The following IFNLR1 variants were observed in gnomAD, a reference collection of about 807,000 sequenced individuals.
The protein encoded by IFNLR1 is CRF2-12.
Under a neutral mutation model 52.5 loss-of-function variants are expected in IFNLR1, and 28 were observed. That is an observed-to-expected ratio of 0.53 (90% CI 0.40 to 0.73). IFNLR1 has a LOEUF of 0.73. IFNLR1 is among the 30% of genes least tolerant of loss of function. IFNLR1 has a pLI of 0.00. For missense variants in IFNLR1, 623 were observed against 659.1 expected (o/e 0.95, Z 0.60); for synonymous variants, 276 against 274.9 (o/e 1.00, Z -0.04).
intron 1 of IFNLR1, among the ~76,000 whole-genome samples, chr1:24,181,830 G>C (rs1009401377): frequency 5.3e-5 from 8 of 152,140 alleles, no homozygotes; most frequent in Admixed American, 3.3e-4. Context: ...AGGGACGTCT[G>C]CCAGTATAAA....
In IFNLR1 at chr1:24,180,995, C is replaced by T. The variant is rs1476933105; in HGVS notation, c.59-141G>A. ...CAGGAGCCACTGACTGGCTGTACTG[C>T]AGCCCTTGTGCCATGAGAGAAGACC... On this transcript the variant is annotated intron_variant, in intron 1 of 6. Coordinates refer to ENST00000327535, the MANE Select transcript of IFNLR1 (RefSeq NM_170743.4). The T allele has an allele frequency of 3.6e-6, 3 of 840,330 alleles. No homozygotes were observed. The East Asian group carries it at 8.2e-5, about 23-fold the overall frequency. 52.1% of individuals were successfully genotyped at this position (840,330 alleles called of 1,614,324 possible).
chr1:24,187,064 C>A, intron 1 of IFNLR1, 127 bp downstream of exon 1: 1 of 513,008 alleles, frequency 1.9e-6, no homozygotes, highest in Non-Finnish European at 3.2e-6. Context: ...GTAGGCAGGG[C>A]CGATTCGCAC....
At chr1:24,159,334 G>T in intron 5 of IFNLR1, 140 bp downstream of exon 5, 1 of 1,237,380 alleles carries the variant, frequency 8.1e-7, no homozygotes, top group Non-Finnish European at 1.2e-6. Context: ...GGGGCATTAT[G>T]TAAGCTGCCC....
rs116392590 is a variant in IFNLR1, at chr1:24,167,348, T to C, written c.367+2069A>G. Reference sequence around the variant, plus strand: ...CTGGGGGACATTTTTGTGTCTGTGATTGCATGAGCCAATTCCCATAATAAA... The same window carrying C: ...CTGGGGGACATTTTTGTGTCTGTGACTGCATGAGCCAATTCCCATAATAAA... On this transcript the variant is annotated intron_variant, in intron 3 of 6. Transcript: ENST00000327535. Among the ~76,000 whole-genome samples, 364 of 152,308 alleles carry C rather than the reference T, an allele frequency of 2.4e-3. 4 individuals carry two copies. The highest frequency in any genetic ancestry group is 8.3e-3 in the African/African-American group (345 of 41,568).
chr1:24,161,367 G>A (rs1644441058), intron 4 of IFNLR1, 175 bp downstream of exon 4: 2 of 688,128 alleles, frequency 2.9e-6, no homozygotes, highest in South Asian at 1.9e-5. Flanking sequence ...CAGGCCTCCT[G>A]TAGGTCATCA....
At chr1:24,179,294 C>T (rs777935266) in intron 2 of IFNLR1, among the ~76,000 whole-genome samples, 3 of 152,124 alleles carry the variant, frequency 2.0e-5, no homozygotes, top group Non-Finnish European at 4.4e-5. Context: ...TTTATTCCAG[C>T]CATACTACGC....
At chr1:24,162,912 C>T (rs1446950071) in intron 3 of IFNLR1, among the ~76,000 whole-genome samples, 890 of 80,204 alleles carry the variant, frequency 0.011, 45 homozygotes, top group African/African-American at 0.027. Flanking sequence ...TCCTTCCTTC[C>T]TTCCTTTTCT....
chr1:24,162,916 CT>C lies in IFNLR1; in HGVS notation c.368-1233del, dbSNP rs1557644528. Among the ~76,000 whole-genome samples the C allele has an allele frequency of 4.6e-3, 344 of 74,812 alleles. 16 individuals carry two copies. Among genetic ancestry groups the C allele is most frequent in the African/African-American group, 0.018 (284 of 16,214 alleles). 49.1% of individuals were successfully genotyped at this position (74,812 alleles called of 152,430 possible). ...CCTTCCTTCCTTCCTTCCTTCCTTC[CT>C]TTTCTTTCTTTTCTTTCTTTCTCTT... On this transcript the variant is annotated intron_variant, in intron 3 of 6. Coordinates refer to ENST00000327535, the MANE Select transcript of IFNLR1 (RefSeq NM_170743.4).
chr1:24,187,197 C>T lies in IFNLR1; in HGVS notation c.52G>A (p.Ala18Thr), dbSNP rs1464684098. ...CGCGGCCCCGCGCCCTTACCTGGAG[C>T]GGCCTGCAGCAGGCACAGGAGCAGG... ...GPLLLCLLQA[A>T]PGRPRLAPPQ... is the part of the protein sequence containing the mutation. The change falls in exon 1 of 7, where the codon GCT becomes ACT. Residue 18 changes from alanine (A) to threonine (T), a missense_variant. Coordinates refer to ENST00000327535, the MANE Select transcript of IFNLR1 (RefSeq NM_170743.4). 2 of 1,342,210 alleles carry T rather than the reference C, an allele frequency of 1.5e-6. No homozygotes were observed. Among genetic ancestry groups the T allele is most frequent in the South Asian group, 3.6e-5 (2 of 55,310 alleles). The allele number at this position is 1,342,210 out of a possible 1,614,324, so 83.1% of individuals were successfully genotyped here.
chr1:24,157,211 G>A lies in IFNLR1; in HGVS notation c.1482C>T (p.Ser494=), dbSNP rs757692467. Reference sequence around the variant, plus strand: ...TCTCAGCCCCCCAGCTGCCCGCATCGCTGTCCTCAATTTCTGATTCCCTCG... The same window carrying A: ...TCTCAGCCCCCCAGCTGCCCGCATCACTGTCCTCAATTTCTGATTCCCTCG... ...EEARESEIED[S]DAGSWGAEST... The change falls in exon 7 of 7, where the codon AGC becomes AGT. Residue 494 remains serine (S), a synonymous_variant. Transcript: ENST00000327535. This position sits in a 1 kb window ranked among gnomAD's most constrained non-coding sequence, Gnocchi z 5.1. The A allele has an allele frequency of 3.8e-5, 62 of 1,614,018 alleles. No homozygotes were observed. Among genetic ancestry groups the A allele is most frequent in the South Asian group, 3.3e-4 (30 of 91,084 alleles).
At position 24,159,342 on chromosome 1, in the gene IFNLR1, C is replaced by T; in HGVS notation, c.670+132G>A. 4 of 1,234,342 alleles carry T rather than the reference C, an allele frequency of 3.2e-6. No individual in the cohort carries two copies. The South Asian group carries it at 4.2e-5, about 13-fold the overall frequency. 76.5% of individuals were successfully genotyped at this position (1,234,342 alleles called of 1,614,324 possible). ...AAGGTTTGGGGCATTATGTAAGCTG[C>T]CCAAAGACACACAATGAGTGTGGTT... On this transcript the variant is annotated intron_variant, in intron 5 of 6. Coordinates refer to ENST00000327535, the MANE Select transcript of IFNLR1 (RefSeq NM_170743.4).
chr1:24,187,213 C>G lies in IFNLR1; in HGVS notation c.36G>C (p.Leu12=). 1 of 1,319,172 alleles carries G rather than the reference C, an allele frequency of 7.6e-7. No individual in the cohort carries two copies. Among genetic ancestry groups the G allele is most frequent in the South Asian group, 2.0e-5 (1 of 50,274 alleles). 81.7% of individuals were successfully genotyped at this position (1,319,172 alleles called of 1,614,324 possible). Residue 12 remains leucine (L), a synonymous_variant, in exon 1 of 7, where the codon CTG becomes CTC. Transcript: ENST00000327535. The part of the protein sequence containing the change: ...AGPERWGPLL[L]CLLQAAPGRP... ...TACCTGGAGCGGCCTGCAGCAGGCACAGGAGCAGGGGGCCCCAGCGCTCGG... is the reference window on the plus strand; with the variant it reads ...TACCTGGAGCGGCCTGCAGCAGGCAGAGGAGCAGGGGGCCCCAGCGCTCGG...
Position 24,162,776 on chromosome 1 carries a change from CTTT to C in IFNLR1, c.368-1095_368-1093del, listed in dbSNP as rs144212647. 1.7e-3 allele frequency among the ~76,000 whole-genome samples: 72 copies of C among 42,650 alleles called. 2 individuals carry two copies. The highest frequency in any genetic ancestry group is 2.7e-3 in the South Asian group (3 of 1,118). 28.0% of individuals were successfully genotyped at this position (42,650 alleles called of 152,430 possible). A position where few individuals can be genotyped will look rare whatever the true frequency, so the allele number is the denominator to read the frequency against. ...TCTTTCTTTCTTTCTTTCTTTCTTT[CTTT>C]TTCTTTCTTTTTCTTTCTTTCTTTT... On this transcript the variant is annotated intron_variant, in intron 3 of 6. Coordinates refer to ENST00000327535, the MANE Select transcript of IFNLR1 (RefSeq NM_170743.4).
At chr1:24,181,354 C>T (rs1458982015) in intron 1 of IFNLR1, among the ~76,000 whole-genome samples, 1 of 152,218 alleles carries the variant, frequency 6.6e-6, no homozygotes, top group Non-Finnish European at 1.5e-5. Context: ...GTAGATGCCA[C>T]ACTCAGATGG....
At chr1:24,187,105 G>A (rs1644746335) in intron 1 of IFNLR1, 86 bp downstream of exon 1, 10 of 902,364 alleles carry the variant, frequency 1.1e-5, no homozygotes, top group Admixed American at 4.0e-5. Flanking sequence ...CCCCGTGCCT[G>A]TCCCAGGAGC....
chr1:24,180,682 A>AC, intron 2 of IFNLR1, 49 bp downstream of exon 2: 4 of 273,582 alleles, frequency 1.5e-5, no homozygotes, highest in Non-Finnish European at 2.7e-5. Flanking sequence ...TCCAGCCCCC[A>AC]CCCACCCCCT....
At chr1:24,184,628 A>T (rs981581672) in intron 1 of IFNLR1, among the ~76,000 whole-genome samples, 3 of 152,216 alleles carry the variant, frequency 2.0e-5, no homozygotes, top group Non-Finnish European at 2.9e-5. Flanking sequence ...TTCACCATCT[A>T]GTCTTTGAAA....
At position 24,157,141 on chromosome 1, in the gene IFNLR1, T is replaced by C. The variant is rs1480385590; in HGVS notation, c.1552A>G (p.Met518Val). 1.2e-6 allele frequency: 2 copies of C among 1,609,898 alleles called. No individual in the cohort carries two copies. The highest frequency in any genetic ancestry group is 1.7e-5 in the Admixed American group (1 of 59,726). The change falls in exon 7 of 7, where the codon ATG (methionine) becomes GTG (valine). Residue 518 changes from methionine to valine, a missense_variant. Transcript: ENST00000327535. The surrounding 1 kb of genome is among the most constrained non-coding windows in gnomAD (Gnocchi z 5.1). The part of the protein sequence containing the change: ...EDRGRTLGHY[M>V]AR ...TGTCGGGGGACAGCTCACCTGGCCATGTAATGCCCCAATGTCCGGCCCCTG... is the reference window on the plus strand; with the variant it reads ...TGTCGGGGGACAGCTCACCTGGCCACGTAATGCCCCAATGTCCGGCCCCTG...
In IFNLR1 at chr1:24,157,108, C is replaced by A. The variant is rs200626382; in HGVS notation, c.*22G>T. ...GCAAAGGCAGCAGCAGCATCAGATT[C>A]GGTGGGATGTCGGGGGACAGCTCAC... On this transcript the variant is annotated 3_prime_UTR_variant, in exon 7 of 7. Coordinates refer to ENST00000327535, the MANE Select transcript of IFNLR1 (RefSeq NM_170743.4). The surrounding 1 kb of genome is among the most constrained non-coding windows in gnomAD (Gnocchi z 5.1). 2.9e-5 allele frequency: 46 copies of A among 1,582,988 alleles called. No homozygotes were observed. The highest frequency in any genetic ancestry group is 1.9e-4 in the Admixed American group (11 of 56,918).
Sources: gnomAD v4.1 joint callset for allele counts (sites outside exome capture counted in the v4.1 genomes callset) on GRCh38, gnomAD v4.1.1 for gene constraint, Gnocchi (gnomAD v3.1) non-coding constraint, MANE v1.5 for transcripts, NCBI Gene and HGNC (gene_info 2026-07-23, HGNC 2026-07-21) for gene names.